Variants in RNF212B observed in about 807,000 individuals in gnomAD.
RNF212B encodes the protein ring finger protein 212B, also known as E3 ubiquitin-protein ligase RNF212B.
Under a neutral mutation model 55.5 loss-of-function variants are expected in RNF212B, and 52 were observed. That is an observed-to-expected ratio of 0.94 (90% CI 0.75 to 1.18). The LOEUF (loss-of-function observed/expected upper bound fraction) is 1.18. Among genes scored for constraint, RNF212B ranks in the 50% most tolerant of loss-of-function variants. The pLI is 0.00. For missense variants in RNF212B, 289 were observed against 350.4 expected (o/e 0.82, Z 1.40); for synonymous variants, 99 against 121.4 (o/e 0.82, Z 1.21).
intron 2 of RNF212B, among the ~76,000 whole-genome samples, chr14:23,208,970 G>A (rs1169912960): frequency 6.6e-6 from 1 of 151,600 alleles, no homozygotes; most frequent in Non-Finnish European, 1.5e-5. Flanking sequence ...GTGTTAGCCG[G>A]GATGGTCTCG....
At chr14:23,233,159 G>C (rs1882839700), upstream of RNF212B, among the ~76,000 whole-genome samples, 1 of 152,158 alleles carries the variant, frequency 6.6e-6, no homozygotes, top group Non-Finnish European at 1.5e-5. Context: ...GGGTTAAATG[G>C]ATTAAGGGCG....
intron 4 of RNF212B, among the ~76,000 whole-genome samples, chr14:23,245,423 A>C (rs1159618997): frequency 6.6e-6 from 1 of 152,210 alleles, no homozygotes; most frequent in African/African-American, 2.4e-5. Flanking sequence ...GCAGACCTTT[A>C]GTTAATAAAT....
rs1880116695 is a variant in RNF212B at position 23,208,757 on chromosome 14, G to GTTTTTTGTT, written c.-2+15362_-2+15363insGTTTTTTTT. On this transcript the variant is annotated intron_variant, in intron 2 of 15. Coordinates refer to the RNF212B transcript ENST00000399910. ...GCAGTCCCAAGGGCTGCTGGTTGCC[G>GTTTTTTGTT]TTTTTTTTTTTTTTTTTTTGAGACG... Among the ~76,000 whole-genome samples, 2 of 98,110 alleles carry GTTTTTTGTT rather than the reference G, an allele frequency of 2.0e-5. 1 individual carries two copies. The highest frequency in any genetic ancestry group is 9.1e-5 in the African/African-American group (2 of 21,884). The allele number at this position is 98,110 out of a possible 152,430, so 64.4% of individuals were successfully genotyped here.
At chr14:23,192,855 G>A (rs919350219) in intron 1 of RNF212B, among the ~76,000 whole-genome samples, 1 of 152,046 alleles carries the variant, frequency 6.6e-6, no homozygotes, top group Non-Finnish European at 1.5e-5. Context: ...ACTTTGGGAG[G>A]CCAAGGTGGG....
chr14:23,226,346 CG>C (rs1388225576), intron 2 of RNF212B, among the ~76,000 whole-genome samples: 1 of 148,368 alleles, frequency 6.7e-6, no homozygotes, highest in Non-Finnish European at 1.5e-5. Context: ...AATAGGAACA[CG>C]GGGCCGGGCG....
At chr14:23,247,264 C>T (rs1203749517) in intron 4 of RNF212B, among the ~76,000 whole-genome samples, 1 of 151,864 alleles carries the variant, frequency 6.6e-6, no homozygotes, top group Non-Finnish European at 1.5e-5. Flanking sequence ...ATGTAATTTA[C>T]ATACCATAAA....
chr14:23,202,750 C>G (rs1211586930), intron 2 of RNF212B, among the ~76,000 whole-genome samples: 1 of 151,164 alleles, frequency 6.6e-6, no homozygotes, highest in Non-Finnish European at 1.5e-5. Context: ...ACTCGAGAGG[C>G]TGAGGCAGGA....
intron 2 of RNF212B, among the ~76,000 whole-genome samples, chr14:23,206,700 G>A (rs79585794): frequency 3.3e-4 from 50 of 152,042 alleles, no homozygotes; most frequent in African/African-American, 1.2e-3. Context: ...ACATCATAAG[G>A]TAGAGAGAGA....
Position 23,268,963 on chromosome 14 carries a change from G to T in RNF212B, c.674G>T (p.Arg225Ile). 6.5e-7 allele frequency: 1 copy of T among 1,549,380 alleles called. No homozygotes were observed. The highest frequency in any genetic ancestry group is 2.4e-5 in the East Asian group (1 of 40,920). ...SPASTHSLSY[R>I]TSSASSGQGI... ...GCTTCAACTCATAGCCTATCTTATAGGTCAGTAACACTATGCTTCCTTTTT... is the reference window on the plus strand; with the variant it reads ...GCTTCAACTCATAGCCTATCTTATATGTCAGTAACACTATGCTTCCTTTTT... The change falls in exon 12 of 15, where the codon AGA becomes ATA. Residue 225 changes from arginine (R) to isoleucine (I), a missense_variant and splice_region_variant. Transcript: ENST00000430154.
At chr14:23,236,539 A>C (rs1353756656), upstream of RNF212B, among the ~76,000 whole-genome samples, 1 of 152,084 alleles carries the variant, frequency 6.6e-6, no homozygotes, top group Non-Finnish European at 1.5e-5. Context: ...ACAACAACAA[A>C]AAGCAAAAAA....
At chr14:23,204,983 T>TA (rs1446963860) in intron 2 of RNF212B, among the ~76,000 whole-genome samples, 1 of 152,128 alleles carries the variant, frequency 6.6e-6, no homozygotes, top group East Asian at 1.9e-4. Context: ...TATCTTAGTT[T>TA]AAAAAAAGTT....
Position 23,238,768 on chromosome 14 carries a change from A to ATCATCATC in RNF212B, c.-2+713_-2+714insTCATCATC, listed in dbSNP as rs1555316052. ...TAATAATAATAATAATAATAATAAT[A>ATCATCATC]ATAATAATAATAATCCCACAAAGAA... On this transcript the variant is annotated intron_variant, in intron 1 of 14. Transcript: ENST00000430154. Among the ~76,000 whole-genome samples the ATCATCATC allele has an allele frequency of 1.3e-3, 156 of 117,464 alleles. 1 individual carries two copies. Among genetic ancestry groups the ATCATCATC allele is most frequent in the East Asian group, 7.4e-3 (25 of 3,356 alleles). The allele number at this position is 117,464 out of a possible 152,430, so 77.1% of individuals were successfully genotyped here. A position where few individuals can be genotyped will look rare whatever the true frequency, so the allele number is the denominator to read the frequency against.
At chr14:23,221,600 A>G (rs891260259) in intron 2 of RNF212B, among the ~76,000 whole-genome samples, 2 of 152,246 alleles carry the variant, frequency 1.3e-5, no homozygotes, top group Admixed American at 1.3e-4. Flanking sequence ...TAGAAAATCA[A>G]CAAACATCAG....
At chr14:23,260,812 GAA>G in intron 7 of RNF212B, 125 bp downstream of exon 7, 1 of 869,734 alleles carries the variant, frequency 1.1e-6, no homozygotes, top group Non-Finnish European at 1.8e-6. Context: ...CTTCTCCGAG[GAA>G]GAGTTAGTTA....
At chr14:23,221,784 G>C (rs541566002) in intron 2 of RNF212B, among the ~76,000 whole-genome samples, 39 of 152,250 alleles carry the variant, frequency 2.6e-4, no homozygotes, top group Admixed American at 5.2e-4. Context: ...ATAATATCAG[G>C]CATCTTCTCT....
chr14:23,212,827 C>A (rs1241814887), intron 2 of RNF212B, among the ~76,000 whole-genome samples: 2 of 151,904 alleles, frequency 1.3e-5, no homozygotes, highest in African/African-American at 4.8e-5. Flanking sequence ...TTCTAAAAGA[C>A]AATACCACTT....
intron 14 of RNF212B, 130 bp from the exon 15 acceptor site, chr14:23,272,693 G>A (rs1390018790): frequency 2.9e-5 from 20 of 684,932 alleles, no homozygotes; most frequent in Non-Finnish European, 5.0e-5. Flanking sequence ...ATCATGCAAT[G>A]AAGAAAACTA....
intron 11 of RNF212B, among the ~76,000 whole-genome samples, chr14:23,265,116 C>T (rs566286559): frequency 2.0e-5 from 3 of 152,288 alleles, no homozygotes; most frequent in South Asian, 2.1e-4. Flanking sequence ...CCACTGTGCC[C>T]GGCCTACAAG....
chr14:23,216,899 A>AAAAAAG, intron 2 of RNF212B, among the ~76,000 whole-genome samples: 2 of 151,340 alleles, frequency 1.3e-5, no homozygotes, highest in Admixed American at 6.6e-5. Flanking sequence ...AAAAAAAAAA[A>AAAAAAG]AAAAAGACCA....
Sources: allele counts gnomAD v4.1 joint callset (sites outside exome capture counted in the v4.1 genomes callset), GRCh38; gene constraint gnomAD v4.1.1; transcripts MANE v1.5; gene names NCBI Gene and HGNC (gene_info 2026-07-23, HGNC 2026-07-21).